NECAB3: variants seen among roughly 807,000 people sequenced by gnomAD.
The protein encoded by NECAB3 is N-terminal EF-hand calcium binding protein 3, also known as N-terminal EF-hand calcium-binding protein 3.
Under a neutral mutation model 57.2 loss-of-function variants are expected in NECAB3, and 38 were observed. The observed-to-expected ratio is 0.66, with a 90% CI of 0.51 to 0.87. The LOEUF (loss-of-function observed/expected upper bound fraction) is 0.87, where lower values mean the gene tolerates loss of function less well. Among genes scored for constraint, NECAB3 ranks in the 40% least tolerant of loss-of-function variants. NECAB3 has a pLI of 0.00. For synonymous variants in NECAB3, 223 were observed against 222.6 expected, an observed-to-expected ratio of 1.00 and a Z score of -0.02; for missense variants, 474 against 527.5, an observed-to-expected ratio of 0.90 and a Z score of 0.99.
chr20:33,667,697 T>C, intron 5 of NECAB3: 1 of 1,612,016 alleles, frequency 6.2e-7, no homozygotes, highest in Non-Finnish European at 8.5e-7. Flanking sequence ...AACCCTGACC[T>C]CTTGCAGCAG....
intron 10 of NECAB3, 54 bp downstream of exon 10, chr20:33,658,423 G>T: frequency 6.4e-7 from 1 of 1,560,188 alleles, no homozygotes; most frequent in South Asian, 1.1e-5. Context: ...ACCCTGGCCT[G>T]ACTCACTCCA....
intron 1 of NECAB3, among the ~76,000 whole-genome samples, 179 bp downstream of exon 1, chr20:33,674,045 G>A (rs1313927009): frequency 1.3e-5 from 2 of 152,200 alleles, no homozygotes; most frequent in African/African-American, 2.4e-5. Flanking sequence ...GCAGGGACAA[G>A]AGGAGACATG....
chr20:33,667,474 A>G (rs368337760), intron 5 of NECAB3: 5 of 1,453,598 alleles, frequency 3.4e-6, no homozygotes, highest in East Asian at 5.1e-5. Context: ...GCTGTTCGAG[A>G]CCCTGGCAGT....
rs1461604803 is a variant in NECAB3, at chr20:33,672,253, G to A, written c.154+145C>T. On this transcript the variant is annotated intron_variant, in intron 2 of 11. Coordinates refer to ENST00000246190, the MANE Select transcript of NECAB3 (RefSeq NM_031232.4). ...TGGCTGAGAACAGCACTTCCTCTGG[G>A]AAGTGCCTTGATTGATTCTCCTGTT... The A allele has an allele frequency of 9.5e-6, 9 of 951,176 alleles. 1 individual carries two copies. The highest frequency in any genetic ancestry group is 1.9e-5 in the Admixed American group (1 of 52,764). The allele number at this position is 951,176 out of a possible 1,614,324, so 58.9% of individuals were successfully genotyped here.
Position 33,657,739 on chromosome 20 carries a change from G to C in NECAB3, c.*90C>G. The C allele has an allele frequency of 7.3e-7, 1 of 1,363,922 alleles. No homozygotes were observed. Among genetic ancestry groups the C allele is most frequent in the Non-Finnish European group, 9.8e-7 (1 of 1,019,982 alleles). 84.5% of individuals were successfully genotyped at this position (1,363,922 alleles called of 1,614,324 possible). A position where few individuals can be genotyped will look rare whatever the true frequency, so the allele number is the denominator to read the frequency against. On this transcript the variant is annotated 3_prime_UTR_variant, in exon 12 of 12. Coordinates refer to ENST00000246190, the MANE Select transcript of NECAB3 (RefSeq NM_031232.4). ...CAGGCCCAAGTCCAGGAGGAGACAA[G>C]TCCTGGTCTTTGCGCTGGGCTGGCC...
chr20:33,659,574 C>T lies in NECAB3; in HGVS notation c.802G>A (p.Gly268Ser), dbSNP rs746059474. 16 of 1,592,226 alleles carry T rather than the reference C, an allele frequency of 1.0e-5. No homozygotes were observed. Among genetic ancestry groups the T allele is most frequent in the Non-Finnish European group, 1.2e-5 (14 of 1,168,332 alleles). Residue 268 changes from glycine (G) to serine (S), a missense_variant, in exon 8 of 12, where the codon GGC becomes AGC. Physicochemically the swap from Gly to Ser is moderately conservative, Grantham distance 56 (BLOSUM62 0). Coordinates refer to ENST00000246190, the MANE Select transcript of NECAB3 (RefSeq NM_031232.4). ...PPEPGPCWRP[G>S]PHSVPSQAPR... ...GCCTGTGAGGGCACAGAGTGTGGGCCGGGCCTCCAGCATGGGCCTGGCTCT... is the reference window on the plus strand; with the variant it reads ...GCCTGTGAGGGCACAGAGTGTGGGCTGGGCCTCCAGCATGGGCCTGGCTCT...
chr20:33,657,914 CCA>C (rs1304354391), intron 11 of NECAB3, 26 bp downstream of exon 11: 1 of 1,550,740 alleles, frequency 6.4e-7, no homozygotes, highest in African/African-American at 1.4e-5. Flanking sequence ...CCCTCCAGGG[CCA>C]CAGTGAGTGG....
At chr20:33,659,262 A>G (rs1026349542) in intron 8 of NECAB3, among the ~76,000 whole-genome samples, 1 of 152,074 alleles carries the variant, frequency 6.6e-6, no homozygotes, top group African/African-American at 2.4e-5. Context: ...TCCACCCTCC[A>G]GCTTCCGTCC....
intron 5 of NECAB3, chr20:33,662,178 A>C (rs2017497051): frequency 4.8e-6 from 4 of 834,540 alleles, no homozygotes; most frequent in Admixed American, 3.1e-5. Flanking sequence ...TGAGAAACCA[A>C]GGCTAGAAGT....
At chr20:33,666,149 C>T (rs78612780) in intron 5 of NECAB3, among the ~76,000 whole-genome samples, 2,942 of 152,088 alleles carry the variant, frequency 0.019, 211 homozygotes, top group Admixed American at 0.14. Context: ...CCGTGGAAGC[C>T]CATAAAGGTA....
At chr20:33,671,714 T>C (rs2017830463) in intron 2 of NECAB3, among the ~76,000 whole-genome samples, 1 of 152,112 alleles carries the variant, frequency 6.6e-6, no homozygotes, top group African/African-American at 2.4e-5. Context: ...GGGCTCCTGC[T>C]TTAGCTTCCA....
intron 5 of NECAB3, chr20:33,663,475 G>C (rs1306513888): frequency 1.9e-6 from 3 of 1,545,576 alleles, no homozygotes; most frequent in Non-Finnish European, 2.6e-6. Context: ...AGCGGCCCCG[G>C]GTCGTGGGCT....
chr20:33,661,229 C>T (rs1205590452), intron 5 of NECAB3, among the ~76,000 whole-genome samples: 1 of 152,168 alleles, frequency 6.6e-6, no homozygotes, highest in Non-Finnish European at 1.5e-5. Context: ...AAGTGTAATA[C>T]AATAAAGGGC....
intron 5 of NECAB3, chr20:33,667,305 C>T: frequency 2.9e-6 from 2 of 678,266 alleles, no homozygotes; most frequent in Non-Finnish European, 4.2e-6. Context: ...CGCGGGCGCA[C>T]CCCATCAAGC....
chr20:33,658,690 C>A, intron 9 of NECAB3, 32 bp downstream of exon 9: 1 of 1,606,460 alleles, frequency 6.2e-7, no homozygotes, highest in Non-Finnish European at 8.5e-7. Flanking sequence ...CCCCTCCCCA[C>A]TGGCCATCCC....
At chr20:33,668,288 A>G (rs2017745028) in intron 5 of NECAB3, 1 of 1,533,774 alleles carries the variant, frequency 6.5e-7, no homozygotes, top group Non-Finnish European at 8.8e-7. Context: ...CTCTCTATCT[A>G]AAGAGTCAAG....
At chr20:33,669,861 C>T (rs2017790776) in intron 3 of NECAB3, 149 bp from the exon 4 acceptor site, 1 of 823,852 alleles carries the variant, frequency 1.2e-6, no homozygotes, top group Non-Finnish European at 1.9e-6. Context: ...CTCCTGTGGA[C>T]AGAGTCCTTG....
At position 33,658,047 on chromosome 20, in the gene NECAB3, G is replaced by T; in HGVS notation, c.1071-14C>A. ...GACTGCTGGTGCCTGCAGAGACCCA[G>T]GCTACAGTGACCTCGCTCTCCCCAC... On this transcript the variant is annotated splice_polypyrimidine_tract_variant and intron_variant, in intron 10 of 11. Transcript: ENST00000246190. 6.5e-7 allele frequency: 1 copy of T among 1,549,594 alleles called. No homozygotes were observed. Among genetic ancestry groups the T allele is most frequent in the Non-Finnish European group, 8.7e-7 (1 of 1,146,482 alleles).
chr20:33,672,370 T>C, intron 2 of NECAB3, 28 bp downstream of exon 2: 1 of 1,613,942 alleles, frequency 6.2e-7, no homozygotes, highest in Non-Finnish European at 8.5e-7. Flanking sequence ...CCTGCCCCAC[T>C]GTGGGACCCA....
Sources: gnomAD v4.1 joint callset for allele counts (sites outside exome capture counted in the v4.1 genomes callset) on GRCh38, gnomAD v4.1.1 for gene constraint, MANE v1.5 for transcripts, NCBI Gene and HGNC (gene_info 2026-07-23, HGNC 2026-07-21) for gene names.